The following PTPRN2 variants were observed in gnomAD, a reference collection of about 807,000 sequenced individuals.
The protein encoded by PTPRN2 is receptor-type tyrosine-protein phosphatase N2.
A neutral mutation model predicts 118.8 loss-of-function variants in PTPRN2; 74 were observed. That is an observed-to-expected ratio of 0.62 (90% CI 0.52 to 0.76). The LOEUF (loss-of-function observed/expected upper bound fraction) is 0.76. Among genes scored for constraint, PTPRN2 ranks in the 30% least tolerant of loss-of-function variants. The pLI, the probability that PTPRN2 is intolerant of heterozygous loss-of-function variation, is 0.00. For missense variants in PTPRN2, 1,481 were observed against 1,394.4 expected, an observed-to-expected ratio of 1.06 and a Z score of -0.99; for synonymous variants, 641 against 608.0, an observed-to-expected ratio of 1.05 and a Z score of -0.80.
chr7:158,108,281 T>G (rs185163602), intron 10 of PTPRN2, among the ~76,000 whole-genome samples: 165 of 151,926 alleles, frequency 1.1e-3, no homozygotes, highest in African/African-American at 3.7e-3. Flanking sequence ...ATCTCTGTGC[T>G]CCCATTGCCA....
At chr7:158,436,687 G>T (rs992793765) in intron 2 of PTPRN2, among the ~76,000 whole-genome samples, 1 of 152,222 alleles carries the variant, frequency 6.6e-6, no homozygotes, top group Admixed American at 6.5e-5. Context: ...CCAGGGAGTA[G>T]AGAACTTGAA....
At chr7:158,019,432 G>A (rs1225687835) in intron 11 of PTPRN2, among the ~76,000 whole-genome samples, 1 of 152,260 alleles carries the variant, frequency 6.6e-6, no homozygotes, top group Non-Finnish European at 1.5e-5. Context: ...CTACAAGGAC[G>A]TGAGCTGGAG....
At chr7:158,469,614 C>G (rs1330330092) in intron 2 of PTPRN2, among the ~76,000 whole-genome samples, 1 of 152,046 alleles carries the variant, frequency 6.6e-6, no homozygotes, top group Non-Finnish European at 1.5e-5. Flanking sequence ...CGAGCACTCG[C>G]TCGAGAGCGT....
intron 11 of PTPRN2, among the ~76,000 whole-genome samples, chr7:157,940,702 G>C (rs1380930802): frequency 3.0e-4 from 18 of 60,564 alleles, no homozygotes; most frequent in Non-Finnish European, 3.5e-4. Flanking sequence ...CAAATCTAAC[G>C]CCCCCCCGTG....
rs984610607 is a variant in PTPRN2 at position 157,798,558 on chromosome 7, C to T, written c.1788+100115G>A. ...GGACACACACGGACACACACACACA[C>T]GTCGCTTCTGGTCTGAGAATGTCTG... is the stretch of plus-strand genomic sequence containing the variant. On this transcript the variant is annotated intron_variant, in intron 12 of 22. Coordinates refer to ENST00000389418, the MANE Select transcript of PTPRN2 (RefSeq NM_002847.5). Among the ~76,000 whole-genome samples, 192 of 152,246 alleles carry T rather than the reference C, an allele frequency of 1.3e-3. 1 individual carries two copies. The highest frequency in any genetic ancestry group is 1.6e-3 in the African/African-American group (65 of 41,528).
intron 22 of PTPRN2, among the ~76,000 whole-genome samples, chr7:157,544,483 C>T (rs1251755032): frequency 6.6e-6 from 1 of 152,166 alleles, no homozygotes; most frequent in African/African-American, 2.4e-5. Context: ...TGTGAGACGG[C>T]AGGTTGGGGA....
rs1795606134 is a variant in PTPRN2, at chr7:157,874,669, G to T, written c.1788+24004C>A. Among the ~76,000 whole-genome samples the T allele has an allele frequency of 6.6e-6, 1 of 152,118 alleles. No homozygotes were observed. Among genetic ancestry groups the T allele is most frequent in the African/African-American group, 2.4e-5 (1 of 41,414 alleles). On this transcript the variant is annotated intron_variant, in intron 12 of 22. Coordinates refer to ENST00000389418, the MANE Select transcript of PTPRN2 (RefSeq NM_002847.5). This position sits in a 1 kb window ranked among gnomAD's most constrained non-coding sequence, Gnocchi z 5.8. ...GTGCCACCCAGCAGCACAAGGCAGG[G>T]GTTTGCTTGCAGGTAGCAAAGTAAC...
chr7:157,788,396 A>C (rs1164678377), intron 12 of PTPRN2, among the ~76,000 whole-genome samples: 2 of 151,386 alleles, frequency 1.3e-5, no homozygotes, highest in Non-Finnish European at 2.9e-5. Flanking sequence ...AAAAAAAGAA[A>C]GTACAGGAAG....
At chr7:158,218,624 A>G (rs1262353905) in intron 3 of PTPRN2, among the ~76,000 whole-genome samples, 3 of 152,200 alleles carry the variant, frequency 2.0e-5, no homozygotes, top group African/African-American at 7.2e-5. Context: ...ACACCCACTT[A>G]AAAGGCATAG....
chr7:158,295,941 G>A (rs1800470874), intron 3 of PTPRN2, among the ~76,000 whole-genome samples: 1 of 152,202 alleles, frequency 6.6e-6, no homozygotes, highest in African/African-American at 2.4e-5. Flanking sequence ...ACATCATCAG[G>A]CACCTTGTCT....
At chr7:158,403,167 C>G (rs1260477384) in intron 2 of PTPRN2, among the ~76,000 whole-genome samples, 1 of 152,192 alleles carries the variant, frequency 6.6e-6, no homozygotes, top group Non-Finnish European at 1.5e-5. Context: ...GTTGAGCAGA[C>G]AGAATGCACG....
At chr7:158,173,744 C>T (rs942647248) in intron 5 of PTPRN2, among the ~76,000 whole-genome samples, 1 of 146,118 alleles carries the variant, frequency 6.8e-6, no homozygotes, top group Admixed American at 6.6e-5. Flanking sequence ...CATAGACCTA[C>T]CCCTGGGAAT....
chr7:158,370,319 C>T (rs558112708), intron 2 of PTPRN2, among the ~76,000 whole-genome samples: 6 of 152,174 alleles, frequency 3.9e-5, no homozygotes, highest in Middle Eastern at 3.4e-3. Context: ...ACCTGTAGTC[C>T]CAGTTACTCG....
At chr7:158,264,963 G>C (rs1797776050) in intron 3 of PTPRN2, among the ~76,000 whole-genome samples, 1 of 151,970 alleles carries the variant, frequency 6.6e-6, no homozygotes, top group Non-Finnish European at 1.5e-5. Context: ...TCACCTGCTA[G>C]AGCAGTCGAG....
At chr7:157,722,771 C>A (rs13241464) in intron 12 of PTPRN2, among the ~76,000 whole-genome samples, 8 of 151,920 alleles carry the variant, frequency 5.3e-5, no homozygotes, top group Non-Finnish European at 1.0e-4. Context: ...CAGCAGGGGC[C>A]CAGTCTGTCA....
chr7:158,456,797 C>T (rs1489602411), intron 2 of PTPRN2, among the ~76,000 whole-genome samples: 3 of 152,240 alleles, frequency 2.0e-5, no homozygotes, highest in South Asian at 2.1e-4. Flanking sequence ...TTAGGGGAGA[C>T]GGGGTCTTAC....
Position 158,155,149 on chromosome 7 carries a change from A to G in PTPRN2, c.910+11782T>C, listed in dbSNP as rs147872082. Among the ~76,000 whole-genome samples the G allele has an allele frequency of 3.3e-5, 5 of 152,342 alleles. No homozygotes were observed. The East Asian group carries it at 9.6e-4, about 29-fold the overall frequency. On this transcript the variant is annotated intron_variant, in intron 6 of 22. Coordinates refer to ENST00000389418, the MANE Select transcript of PTPRN2 (RefSeq NM_002847.5). Reference sequence around the variant, plus strand: ...CAATTACACAAAATGTCAGGATATTAAATGTGTAAAGCCTGGAGTAAGAGA... The same window carrying G: ...CAATTACACAAAATGTCAGGATATTGAATGTGTAAAGCCTGGAGTAAGAGA...
At chr7:158,448,101 G>A (rs1817854041) in intron 2 of PTPRN2, among the ~76,000 whole-genome samples, 1 of 152,164 alleles carries the variant, frequency 6.6e-6, no homozygotes, top group Admixed American at 6.5e-5. Flanking sequence ...CCACCGCCAG[G>A]GCTGCTTTCT....
chr7:157,661,490 C>T (rs1392308745), intron 13 of PTPRN2, among the ~76,000 whole-genome samples: 2 of 127,328 alleles, frequency 1.6e-5, no homozygotes, highest in African/African-American at 2.6e-5. Flanking sequence ...TGCTCTAGCC[C>T]GGCGCTGCTC....
Sources: gnomAD v4.1 joint callset for allele counts (sites outside exome capture counted in the v4.1 genomes callset) on GRCh38, gnomAD v4.1.1 for gene constraint, Gnocchi (gnomAD v3.1) non-coding constraint, MANE v1.5 for transcripts, NCBI Gene and HGNC (gene_info 2026-07-23, HGNC 2026-07-21) for gene names.